The following ROR2 variants were observed in gnomAD, a reference collection of about 807,000 sequenced individuals.
The protein encoded by ROR2 is ROR family WNT receptor 2.
ROR2 carries 33 observed loss-of-function variants against 74.9 expected under a neutral mutation model. The observed-to-expected ratio is 0.44, with a 90% CI of 0.33 to 0.59. The LOEUF is 0.59. Among genes scored for constraint, ROR2 ranks in the 20% least tolerant of loss-of-function variants. The pLI is 0.02. For missense variants in ROR2, 1,216 were observed against 1,313.8 expected, an observed-to-expected ratio of 0.93 and a Z score of 1.15; for synonymous variants, 586 against 558.7, an observed-to-expected ratio of 1.05 and a Z score of -0.69.
At chr9:91,948,632 A>T in intron 1 of ROR2, 1 of 985,520 alleles carries the variant, frequency 1.0e-6, no homozygotes, top group Non-Finnish European at 1.2e-6. Context: ...GCGGCAGGCC[A>T]GGATACCTGG....
At chr9:91,902,815 A>G (rs910666662) in intron 1 of ROR2, among the ~76,000 whole-genome samples, 2 of 152,270 alleles carry the variant, frequency 1.3e-5, no homozygotes, top group Admixed American at 1.3e-4. Context: ...TGCAACATGG[A>G]TAAGCCTCGA....
intron 7 of ROR2, among the ~76,000 whole-genome samples, 171 bp from the exon 8 acceptor site, chr9:91,726,914 C>A (rs1041879762): frequency 3.9e-5 from 6 of 152,082 alleles, no homozygotes; most frequent in Non-Finnish European, 5.9e-5. Flanking sequence ...ACATGATGCA[C>A]CAAAAAATGC....
At chr9:91,803,934 T>A (rs931056667) in intron 1 of ROR2, among the ~76,000 whole-genome samples, 1 of 152,266 alleles carries the variant, frequency 6.6e-6, no homozygotes, top group East Asian at 1.9e-4. Context: ...ATTAGGGAGT[T>A]GACTTTGAGG....
intron 1 of ROR2, among the ~76,000 whole-genome samples, chr9:91,911,726 A>G (rs1219267017): frequency 6.6e-6 from 1 of 152,128 alleles, no homozygotes; most frequent in Non-Finnish European, 1.5e-5. Flanking sequence ...GTATACTCAC[A>G]CTCAAAGTAT....
chr9:91,789,905 A>C (rs1267769280), intron 1 of ROR2, among the ~76,000 whole-genome samples: 2 of 152,224 alleles, frequency 1.3e-5, no homozygotes, highest in Non-Finnish European at 2.9e-5. Context: ...ATTTAAAAAA[A>C]ACACTACCCA....
intron 1 of ROR2, among the ~76,000 whole-genome samples, chr9:91,935,329 C>A (rs1831654410): frequency 6.6e-6 from 1 of 152,232 alleles, no homozygotes; most frequent in African/African-American, 2.4e-5. Context: ...CAGCTCACCT[C>A]TTTTTCTGTC....
intron 4 of ROR2, among the ~76,000 whole-genome samples, chr9:91,752,129 T>A (rs1825611972): frequency 6.6e-6 from 1 of 152,154 alleles, no homozygotes; most frequent in Admixed American, 6.5e-5. Context: ...TCATCACAAG[T>A]CTCCCACACT....
intron 4 of ROR2, among the ~76,000 whole-genome samples, chr9:91,740,478 G>T (rs947515702): frequency 4.0e-5 from 6 of 151,864 alleles, no homozygotes; most frequent in Admixed American, 2.6e-4. Flanking sequence ...CGTGAACCCA[G>T]GAGGCGGAGC....
intron 1 of ROR2, among the ~76,000 whole-genome samples, chr9:91,818,240 CT>C (rs555021652): frequency 2.6e-4 from 39 of 152,196 alleles, no homozygotes; most frequent in Non-Finnish European, 4.8e-4. Context: ...TGTCACAGAA[CT>C]GCAAATTAGT....
chr9:91,788,749 CA>C (rs1465185078), intron 1 of ROR2, among the ~76,000 whole-genome samples: 16 of 151,652 alleles, frequency 1.1e-4, no homozygotes, highest in Non-Finnish European at 2.2e-4. Context: ...CCTGTAATCC[CA>C]GCTACTCAGG....
rs186811597 is a variant in ROR2 at position 91,841,525 on chromosome 9, T to C, written c.98-65707A>G. ...ATTAATTTTAAAAGATTATTTTTAT[T>C]GGTTTAAGGTGATAATGTTTTAAAT... On this transcript the variant is annotated intron_variant, in intron 1 of 8. Transcript: ENST00000375708. Among the ~76,000 whole-genome samples, 13 of 152,368 alleles carry C rather than the reference T, an allele frequency of 8.5e-5. 1 individual carries two copies. The East Asian group carries it at 2.5e-3, about 29-fold the overall frequency.
At chr9:91,784,323 A>G (rs1170284527) in intron 1 of ROR2, among the ~76,000 whole-genome samples, 1 of 152,160 alleles carries the variant, frequency 6.6e-6, no homozygotes, top group Admixed American at 6.5e-5. Context: ...GCTGTGGGCG[A>G]CTGCAGCACC....
chr9:91,946,736 C>A (rs1336898993), intron 1 of ROR2, among the ~76,000 whole-genome samples: 14 of 146,602 alleles, frequency 9.5e-5, no homozygotes, highest in Non-Finnish European at 1.9e-4. Context: ...GAGCTCAAGT[C>A]CTTCACATCC....
In ROR2 at chr9:91,728,328, G is replaced by A. The variant is rs115438747; in HGVS notation, c.1184-1585C>T. 8.9e-3 allele frequency among the ~76,000 whole-genome samples: 1,363 copies of A among 152,340 alleles called. 21 individuals are homozygous for A. The highest frequency in any genetic ancestry group is 0.031 in the African/African-American group (1,291 of 41,578). ...TTAGGTTGAACCACATGGAACAACC[G>A]ATATTCAACTATTCTGACATATAGA... On this transcript the variant is annotated intron_variant, in intron 7 of 8. Coordinates refer to ENST00000375708, the MANE Select transcript of ROR2 (RefSeq NM_004560.4).
intron 6 of ROR2, among the ~76,000 whole-genome samples, chr9:91,732,446 C>T (rs370578652): frequency 8.5e-5 from 13 of 152,174 alleles, no homozygotes; most frequent in East Asian, 1.9e-4. Context: ...ACCCAGGCCC[C>T]GGGCTCAGAA....
chr9:91,934,680 T>TAA (rs57110729), intron 1 of ROR2, among the ~76,000 whole-genome samples: 1 of 152,106 alleles, frequency 6.6e-6, no homozygotes, highest in African/African-American at 2.4e-5. Flanking sequence ...ATGAGAAACT[T>TAA]GACTTAGTTC....
intron 2 of ROR2, among the ~76,000 whole-genome samples, chr9:91,765,368 C>T (rs1487331793): frequency 6.6e-6 from 1 of 152,160 alleles, no homozygotes; most frequent in African/African-American, 2.4e-5. Context: ...CATCTTTAAT[C>T]CTTCTGGCTT....
intron 1 of ROR2, chr9:91,883,383 ACT>A (rs1830175070): frequency 1.3e-5 from 2 of 152,080 alleles, no homozygotes; most frequent in Non-Finnish European, 1.5e-5. Flanking sequence ...CATTTTCTTC[ACT>A]GTTTTGTACG....
chr9:91,778,176 G>T (rs768152645), intron 1 of ROR2, among the ~76,000 whole-genome samples: 1 of 152,298 alleles, frequency 6.6e-6, no homozygotes, highest in East Asian at 1.9e-4. Context: ...CTGGTGACTC[G>T]CAGGATCAGG....
Sources: gnomAD v4.1 joint callset for allele counts (sites outside exome capture counted in the v4.1 genomes callset) on GRCh38, gnomAD v4.1.1 for gene constraint, MANE v1.5 for transcripts, NCBI Gene and HGNC (gene_info 2026-07-23, HGNC 2026-07-21) for gene names.